Variants in ALDH1A2 observed in about 807,000 individuals in gnomAD.
ALDH1A2 encodes aldehyde dehydrogenase 1 family member A2, also known as retinal dehydrogenase 2.
Under a neutral mutation model 60.3 loss-of-function variants are expected in ALDH1A2, and 27 were observed. The ratio of observed to expected loss-of-function variants is 0.45; its 90% confidence interval spans 0.33 to 0.62. The LOEUF is 0.62. Ranked by LOEUF, ALDH1A2 falls within the 20% of genes least tolerant of loss-of-function variation. The pLI is 0.02. For missense variants in ALDH1A2, 581 were observed against 643.8 expected (o/e 0.90, Z 1.06); for synonymous variants, 289 against 232.4 (o/e 1.24, Z -2.21).
At chr15:57,995,055 G>A (rs376037780) in intron 5 of ALDH1A2, 23 bp downstream of exon 5, 137 of 1,592,944 alleles carry the variant, frequency 8.6e-5, no homozygotes, top group Non-Finnish European at 1.0e-4. Flanking sequence ...AAATAAATAC[G>A]AGGTGCGAGG....
chr15:58,034,763 C>G (rs1328920865), intron 1 of ALDH1A2, among the ~76,000 whole-genome samples: 2 of 151,630 alleles, frequency 1.3e-5, no homozygotes, highest in Non-Finnish European at 3.0e-5. Context: ...ATTGATAAGA[C>G]AGACTACATT....
intron 8 of ALDH1A2, 114 bp from the exon 9 acceptor site, chr15:57,964,183 T>C: frequency 9.3e-7 from 1 of 1,069,556 alleles, no homozygotes; most frequent in Non-Finnish European, 1.4e-6. Context: ...CTGCATGACA[T>C]AACCATGAAT....
At chr15:58,035,195 G>T (rs571756538) in intron 1 of ALDH1A2, among the ~76,000 whole-genome samples, 1 of 151,692 alleles carries the variant, frequency 6.6e-6, no homozygotes, top group Admixed American at 6.6e-5. Context: ...ATCTTTCAAT[G>T]AATTGGCCCA....
chr15:58,057,922 G>T, intron 1 of ALDH1A2: 1 of 650,326 alleles, frequency 1.5e-6, no homozygotes, highest in Non-Finnish European at 2.1e-6. Flanking sequence ...ATGACCCTGA[G>T]ATAATAAAAA....
intron 1 of ALDH1A2, chr15:58,014,629 A>C (rs1595667950): frequency 2.3e-6 from 1 of 437,244 alleles, no homozygotes; most frequent in Admixed American, 2.6e-5. Context: ...CATGAGGGTT[A>C]AATAGCAGAT....
At chr15:58,061,310 T>A (rs1240447511) in intron 1 of ALDH1A2, among the ~76,000 whole-genome samples, 1 of 151,852 alleles carries the variant, frequency 6.6e-6, no homozygotes, top group Non-Finnish European at 1.5e-5. Context: ...TCTATTAACA[T>A]GTAGTTTGAC....
At chr15:57,985,902 A>G (rs1431863277) in intron 7 of ALDH1A2, among the ~76,000 whole-genome samples, 1 of 152,244 alleles carries the variant, frequency 6.6e-6, no homozygotes, top group African/African-American at 2.4e-5. Flanking sequence ...TACTGCTTAA[A>G]TATTCAATAT....
intron 7 of ALDH1A2, among the ~76,000 whole-genome samples, chr15:57,989,642 T>C (rs143562626): frequency 0.011 from 1,614 of 152,138 alleles, 11 homozygotes; most frequent in African/African-American, 0.021. Flanking sequence ...ATCAAATTAC[T>C]TTTGCTCCAA....
Position 58,065,675 on chromosome 15 carries a change from C to G in ALDH1A2, c.-25G>C. 1 of 1,533,868 alleles carries G rather than the reference C, an allele frequency of 6.5e-7. No individual in the cohort carries two copies. The highest frequency in any genetic ancestry group is 8.8e-7 in the Non-Finnish European group (1 of 1,132,190). On this transcript the variant is annotated 5_prime_UTR_variant, in exon 1 of 13. Coordinates refer to ENST00000249750, the MANE Select transcript of ALDH1A2 (RefSeq NM_003888.4). ...TGGTGGCGGGCCGGGTGTCCCTAGC[C>G]CGCGGCGTGGGGCAGTGCGGGCTGT...
chr15:58,056,904 G>A (rs1452038706), intron 1 of ALDH1A2, among the ~76,000 whole-genome samples: 2 of 152,102 alleles, frequency 1.3e-5, no homozygotes, highest in Non-Finnish European at 2.9e-5. Flanking sequence ...TGAAAATGTA[G>A]ACTAATGGGA....
At chr15:58,058,479 A>C (rs868169019) in intron 1 of ALDH1A2, among the ~76,000 whole-genome samples, 4 of 151,924 alleles carry the variant, frequency 2.6e-5, no homozygotes, top group Middle Eastern at 3.4e-3. Flanking sequence ...AAAAAAAAAA[A>C]AAAAAAACCT....
chr15:58,002,554 A>C (rs1895309479), intron 4 of ALDH1A2, among the ~76,000 whole-genome samples: 1 of 152,078 alleles, frequency 6.6e-6, no homozygotes, highest in South Asian at 2.1e-4. Flanking sequence ...ATGACTAAGC[A>C]ATCTGTAAAC....
chr15:58,016,583 CACTT>C (rs1895795707), intron 1 of ALDH1A2, among the ~76,000 whole-genome samples: 1 of 152,284 alleles, frequency 6.6e-6, no homozygotes, highest in African/African-American at 2.4e-5. Flanking sequence ...TTTTCTTCAT[CACTT>C]AGTCTATTGA....
intron 7 of ALDH1A2, among the ~76,000 whole-genome samples, chr15:57,984,305 T>C (rs779157209): frequency 1.3e-5 from 2 of 152,234 alleles, no homozygotes; most frequent in Non-Finnish European, 2.9e-5. Flanking sequence ...AAATCAATGT[T>C]GGCTATTAAT....
At chr15:58,063,919 A>G (rs777525829) in intron 1 of ALDH1A2, among the ~76,000 whole-genome samples, 1 of 152,192 alleles carries the variant, frequency 6.6e-6, no homozygotes, top group Non-Finnish European at 1.5e-5. Flanking sequence ...GGGGGAGAAC[A>G]AGAGAGAAAA....
intron 1 of ALDH1A2, among the ~76,000 whole-genome samples, chr15:58,045,990 G>A (rs920223575): frequency 2.6e-5 from 4 of 152,002 alleles, no homozygotes; most frequent in East Asian, 1.9e-4. Context: ...ATTTCAAAGC[G>A]TCTTAGATTC....
intron 7 of ALDH1A2, among the ~76,000 whole-genome samples, chr15:57,983,386 T>G (rs1251172561): frequency 6.6e-6 from 1 of 152,218 alleles, no homozygotes; most frequent in Non-Finnish European, 1.5e-5. Flanking sequence ...AATTTCTTTT[T>G]GTATTTTGGT....
chr15:57,995,400 A>G (rs1403873095), intron 4 of ALDH1A2, among the ~76,000 whole-genome samples: 1 of 152,000 alleles, frequency 6.6e-6, no homozygotes, highest in Non-Finnish European at 1.5e-5. Flanking sequence ...TTTATGATAC[A>G]AGAAGTCCTC....
chr15:58,051,919 A>G (rs1449910794), intron 1 of ALDH1A2, among the ~76,000 whole-genome samples: 1 of 152,164 alleles, frequency 6.6e-6, no homozygotes, highest in Non-Finnish European at 1.5e-5. Flanking sequence ...GCTTGGCAGG[A>G]AAGCTGCTCA....
Sources: gnomAD v4.1 joint callset for allele counts (sites outside exome capture counted in the v4.1 genomes callset) on GRCh38, gnomAD v4.1.1 for gene constraint, MANE v1.5 for transcripts, NCBI Gene and HGNC (gene_info 2026-07-23, HGNC 2026-07-21) for gene names.